Variants in DOCK4 observed in about 807,000 individuals in gnomAD.
DOCK4 encodes the protein dedicator of cytokinesis protein 4.
A neutral mutation model predicts 268.1 loss-of-function variants in DOCK4; 97 were observed. That is an observed-to-expected ratio of 0.36 (90% CI 0.31 to 0.43). The LOEUF (loss-of-function observed/expected upper bound fraction) is 0.43. DOCK4 is among the 20% of genes least tolerant of loss of function. DOCK4 has a pLI of 1.00. For synonymous variants in DOCK4, 954 were observed against 887.2 expected, an observed-to-expected ratio of 1.08 and a Z score of -1.34; for missense variants, 2,145 against 2,455.7, an observed-to-expected ratio of 0.87 and a Z score of 2.67.
intron 1 of DOCK4, among the ~76,000 whole-genome samples, chr7:112,077,126 C>T (rs540965539): frequency 2.0e-4 from 30 of 152,120 alleles, no homozygotes; most frequent in Non-Finnish European, 3.8e-4. Context: ...TACTGTCAGC[C>T]AGTAGTCAGA....
intron 52 of DOCK4, among the ~76,000 whole-genome samples, chr7:111,731,554 ATAT>A (rs1191385765): frequency 2.0e-5 from 3 of 152,190 alleles, no homozygotes; most frequent in Non-Finnish European, 4.4e-5. Context: ...ATAAGACTAA[ATAT>A]TATTCTTTAT....
chr7:111,928,886 G>A (rs1382498773), intron 12 of DOCK4, among the ~76,000 whole-genome samples: 1 of 152,098 alleles, frequency 6.6e-6, no homozygotes, highest in Non-Finnish European at 1.5e-5. Context: ...ACCAAACCTG[G>A]CTAGGATTTT....
In DOCK4 at chr7:111,800,739, G is replaced by A. The variant is rs139702704; in HGVS notation, c.3166+8082C>T. Among the ~76,000 whole-genome samples, 14 of 152,072 alleles carry A rather than the reference G, an allele frequency of 9.2e-5. No individual in the cohort carries two copies. In the East Asian group the frequency reaches 9.7e-4, roughly 11 times the overall value. ...TGCAAACAAAGCCAAACACAGACAC[G>A]CTATTCTTCCAAAAACCCTTAAATC... On this transcript the variant is annotated intron_variant, in intron 30 of 52. Transcript: ENST00000428084.
chr7:111,954,274 C>T (rs927240705), intron 8 of DOCK4, among the ~76,000 whole-genome samples: 12 of 152,114 alleles, frequency 7.9e-5, no homozygotes, highest in African/African-American at 2.4e-4. Context: ...TATTTATGCC[C>T]CCAAGAAACC....
chr7:111,938,010 T>C (rs1794879858), intron 11 of DOCK4, among the ~76,000 whole-genome samples: 1 of 152,216 alleles, frequency 6.6e-6, no homozygotes, highest in African/African-American at 2.4e-5. Context: ...GCATTTCAAA[T>C]AAACTACGTT....
chr7:111,931,400 G>C (rs1219373915), intron 12 of DOCK4, among the ~76,000 whole-genome samples: 2 of 152,164 alleles, frequency 1.3e-5, no homozygotes, highest in African/African-American at 2.4e-5. Context: ...TATCTGGTAG[G>C]GTTTCACTCA....
At chr7:112,041,799 C>A (rs1472895782) in intron 1 of DOCK4, among the ~76,000 whole-genome samples, 3 of 152,194 alleles carry the variant, frequency 2.0e-5, no homozygotes, top group Admixed American at 6.5e-5. Flanking sequence ...CATCCCCCCA[C>A]AACCCTAAAA....
intron 13 of DOCK4, among the ~76,000 whole-genome samples, chr7:111,911,111 T>C (rs188557440): frequency 7.7e-4 from 117 of 152,322 alleles, no homozygotes; most frequent in African/African-American, 2.7e-3. Context: ...CTGGGTCCTG[T>C]TGGTATAATC....
chr7:111,876,221 A>G (rs1806858191), intron 17 of DOCK4, among the ~76,000 whole-genome samples: 1 of 152,218 alleles, frequency 6.6e-6, no homozygotes, highest in South Asian at 2.1e-4. Flanking sequence ...GTAGCAATGC[A>G]TGTTGAAATT....
At chr7:111,732,551 A>G (rs1416970013) in intron 51 of DOCK4, 2 of 495,966 alleles carry the variant, frequency 4.0e-6, no homozygotes, top group African/African-American at 1.9e-5. Flanking sequence ...CAGGTTCCCA[A>G]ACTGATCCAA....
At chr7:111,858,424 G>A (rs1805198016) in intron 23 of DOCK4, among the ~76,000 whole-genome samples, 1 of 152,154 alleles carries the variant, frequency 6.6e-6, no homozygotes, top group South Asian at 2.1e-4. Flanking sequence ...GTTTCTGCAG[G>A]AGAATAACCC....
At chr7:112,075,810 C>T (rs1347731599) in intron 1 of DOCK4, among the ~76,000 whole-genome samples, 4 of 151,868 alleles carry the variant, frequency 2.6e-5, no homozygotes, top group Non-Finnish European at 5.9e-5. Flanking sequence ...GAAATAAATA[C>T]TATTATGGGA....
rs944148445 is a variant in DOCK4, at chr7:112,149,692, T to C, written c.37+56410A>G. Among the ~76,000 whole-genome samples, 6 of 152,310 alleles carry C rather than the reference T, an allele frequency of 3.9e-5. No homozygotes were observed. The South Asian group carries it at 1.2e-3, about 32-fold the overall frequency. ...AGAAAATTCATCTGTCACCAGGAGA[T>C]ATGATTTCTAGTGTCTCTTCTATGA... On this transcript the variant is annotated intron_variant, in intron 1 of 52. Transcript: ENST00000428084.
intron 26 of DOCK4, among the ~76,000 whole-genome samples, chr7:111,833,615 G>C (rs1010763796): frequency 1.3e-5 from 2 of 151,946 alleles, no homozygotes; most frequent in African/African-American, 4.8e-5. Context: ...TGACTGCTGA[G>C]GGATTAAATC....
chr7:112,115,492 G>C (rs1159348890), intron 1 of DOCK4, among the ~76,000 whole-genome samples: 3 of 152,154 alleles, frequency 2.0e-5, no homozygotes, highest in Non-Finnish European at 4.4e-5. Context: ...CTATTGTTCT[G>C]TTTATCTCAT....
intron 26 of DOCK4, among the ~76,000 whole-genome samples, chr7:111,832,028 A>G (rs1182097135): frequency 6.6e-6 from 1 of 152,208 alleles, no homozygotes; most frequent in Non-Finnish European, 1.5e-5. Flanking sequence ...AAAGCTTCAG[A>G]TATCAAGGAG....
intron 16 of DOCK4, among the ~76,000 whole-genome samples, chr7:111,888,292 A>T (rs1474216380): frequency 6.7e-6 from 1 of 150,254 alleles, no homozygotes; most frequent in Non-Finnish European, 1.5e-5. Context: ...TTACAGATTC[A>T]TCTAGGACTA....
chr7:111,860,513 T>C (rs1805417353), intron 23 of DOCK4, among the ~76,000 whole-genome samples: 1 of 152,254 alleles, frequency 6.6e-6, no homozygotes, highest in African/African-American at 2.4e-5. Flanking sequence ...AAGGATTCTG[T>C]TGATCGTGAG....
intron 16 of DOCK4, among the ~76,000 whole-genome samples, chr7:111,886,601 G>A (rs1279100700): frequency 6.6e-6 from 1 of 152,066 alleles, no homozygotes; most frequent in African/African-American, 2.4e-5. Context: ...CATCAAGCAG[G>A]CAAGGGAGGA....
Sources: allele counts gnomAD v4.1 joint callset (sites outside exome capture counted in the v4.1 genomes callset), GRCh38; gene constraint gnomAD v4.1.1; transcripts MANE v1.5; gene names NCBI Gene and HGNC (gene_info 2026-07-23, HGNC 2026-07-21).